DYNC2I1: variants seen among roughly 807,000 people sequenced by gnomAD.
DYNC2I1 encodes the protein dynein 2 intermediate chain 1, also known as cytoplasmic dynein 2 intermediate chain 1.
DYNC2I1 carries 89 observed loss-of-function variants against 133.4 expected under a neutral mutation model. That is an observed-to-expected ratio of 0.67 (90% CI 0.56 to 0.80). The LOEUF is 0.80. Ranked by LOEUF, DYNC2I1 falls within the 30% of genes least tolerant of loss-of-function variation. The pLI is 0.00. For synonymous variants in DYNC2I1, 504 were observed against 484.3 expected, an observed-to-expected ratio of 1.04 and a Z score of -0.54; for missense variants, 1,291 against 1,314.5, an observed-to-expected ratio of 0.98 and a Z score of 0.28.
chr7:158,925,072 A>G (rs1849480131), intron 17 of DYNC2I1, among the ~76,000 whole-genome samples: 1 of 152,168 alleles, frequency 6.6e-6, no homozygotes, highest in Non-Finnish European at 1.5e-5. Flanking sequence ...TTGAAATATT[A>G]TCAATAAAAC....
At chr7:158,858,812 C>G (rs1377310306) in intron 1 of DYNC2I1, among the ~76,000 whole-genome samples, 1 of 112,708 alleles carries the variant, frequency 8.9e-6, no homozygotes, top group East Asian at 3.3e-4. Flanking sequence ...CCCCTCCCCC[C>G]ACTTTCCTCT....
At chr7:158,919,511 G>T (rs1328667727) in intron 15 of DYNC2I1, among the ~76,000 whole-genome samples, 1 of 152,236 alleles carries the variant, frequency 6.6e-6, no homozygotes, top group East Asian at 1.9e-4. Flanking sequence ...CCGGAGGGCA[G>T]CCATGGTCCC....
At chr7:158,851,235 A>G in the DYNC2I1 span, among the ~76,000 whole-genome samples, 83 of 152,328 alleles carry the variant, frequency 5.4e-4, 1 homozygote, top group East Asian at 0.015. Context: ...GGCTTTGATT[A>G]GAATAACATA....
At chr7:158,949,607 G>T (rs1851992282), downstream of DYNC2I1, among the ~76,000 whole-genome samples, 2 of 148,248 alleles carry the variant, frequency 1.3e-5, no homozygotes, top group African/African-American at 2.5e-5. Context: ...GGCCCGAGCC[G>T]CACAGACGGC....
chr7:158,916,915 T>G (rs1848403571), intron 14 of DYNC2I1, among the ~76,000 whole-genome samples: 1 of 84,204 alleles, frequency 1.2e-5, no homozygotes, highest in African/African-American at 4.1e-5. Context: ...GTGGTTGAGA[T>G]TAAGGATGAT....
At chr7:158,946,677 G>A (rs1851894487), downstream of DYNC2I1, among the ~76,000 whole-genome samples, 1 of 152,246 alleles carries the variant, frequency 6.6e-6, no homozygotes. Flanking sequence ...GAATGTTGGA[G>A]GGACACACAC....
Position 158,930,457 on chromosome 7 carries a change from C to T in DYNC2I1, c.2488C>T (p.Leu830=), listed in dbSNP as rs760388177. ...DIAGSISDLG[L]MPGGRVKLVH... ...GATTTTGGTTCATCTCTTTTTAGGT[C>T]TGATGCCTGGAGGGAGGGTCAAGCT... The change falls in exon 21 of 25, where the codon CTG becomes TTG. Residue 830 remains leucine, a splice_region_variant and synonymous_variant. Coordinates refer to ENST00000407559, the MANE Select transcript of DYNC2I1 (RefSeq NM_018051.5). 1 of 1,611,992 alleles carries T rather than the reference C, an allele frequency of 6.2e-7. No individual in the cohort carries two copies.
chr7:158,843,700 T>A, the DYNC2I1 span, among the ~76,000 whole-genome samples: 1 of 152,168 alleles, frequency 6.6e-6, no homozygotes, highest in Non-Finnish European at 1.5e-5. Context: ...CAGCCAAGAT[T>A]GGCTTTTATG....
At position 158,884,586 on chromosome 7, in the gene DYNC2I1, G is replaced by T. The variant is rs140596100; in HGVS notation, c.902G>T (p.Gly301Val). Reference protein sequence around the residue: ...ESQNGEHRNRGASSKRDGTSS... With the variant: ...ESQNGEHRNRVASSKRDGTSS... ...TAGAATGGTGAACACAGAAATCGAG[G>T]TGCAAGCTCAAAAAGAGATGGGACC... Residue 301 changes from glycine (G) to valine (V), a missense_variant, in exon 6 of 25, where the codon GGT (glycine) becomes GTT (valine). Physicochemically the swap from Gly to Val is moderately radical, Grantham distance 109 (BLOSUM62 -3). Coordinates refer to ENST00000407559, the MANE Select transcript of DYNC2I1 (RefSeq NM_018051.5). The T allele has an allele frequency of 3.0e-4, 490 of 1,613,158 alleles. 1 individual carries two copies. In the African/African-American group the frequency reaches 5.6e-3, roughly 18 times the overall value.
At chr7:158,944,874 G>A (rs949906899) in intron 24 of DYNC2I1, among the ~76,000 whole-genome samples, 4 of 152,188 alleles carry the variant, frequency 2.6e-5, no homozygotes, top group Non-Finnish European at 1.5e-5. Flanking sequence ...CCAGGAGTGT[G>A]AGCCGTAGGC....
At chr7:158,897,610 A>G (rs1425320529) in intron 8 of DYNC2I1, among the ~76,000 whole-genome samples, 2 of 152,240 alleles carry the variant, frequency 1.3e-5, no homozygotes, top group African/African-American at 4.8e-5. Context: ...TTCTGACGCT[A>G]GTAATTTGGA....
rs1847485820 is a variant in DYNC2I1 at position 158,911,607 on chromosome 7, T to C, written c.1518T>C (p.Ser506=). ...ACTTAGATTTTTCATTTACTTTCTCTCTCTTGGATCTACCACCAGTAAATG... is the reference window on the plus strand; with the variant it reads ...ACTTAGATTTTTCATTTACTTTCTCCCTCTTGGATCTACCACCAGTAAATG... The part of the protein sequence containing the change: ...LIDLDFSFTF[S]LLDLPPVNEY... Residue 506 remains serine (S), a synonymous_variant, in exon 12 of 25, where the codon TCT becomes TCC. Coordinates refer to ENST00000407559, the MANE Select transcript of DYNC2I1 (RefSeq NM_018051.5). The C allele has an allele frequency of 6.2e-7, 1 of 1,613,700 alleles. No homozygotes were observed. The highest frequency in any genetic ancestry group is 8.5e-7 in the Non-Finnish European group (1 of 1,179,770).
chr7:158,875,029 G>A (rs967044761), intron 3 of DYNC2I1, among the ~76,000 whole-genome samples: 1 of 150,100 alleles, frequency 6.7e-6, no homozygotes, highest in African/African-American at 2.5e-5. Flanking sequence ...AAATCTACCT[G>A]TTCTGGGGCC....
rs1403910859 is a variant in DYNC2I1 at position 158,870,521 on chromosome 7, T to TTTTTAATG, written c.70-614_70-613insGTTTTAAT. Among the ~76,000 whole-genome samples, 14 of 150,428 alleles carry TTTTTAATG rather than the reference T, an allele frequency of 9.3e-5. No individual in the cohort carries two copies. The South Asian group carries it at 2.9e-3, about 32-fold the overall frequency. On this transcript the variant is annotated intron_variant, in intron 2 of 24. Transcript: ENST00000407559. ...GGCATGAACCACCAGGCTTGCTAAT[T>TTTTTAATG]TTTTAATTTTTTAATTTTTTAATTT...
At chr7:158,880,671 G>C (rs1332030834) in intron 5 of DYNC2I1, among the ~76,000 whole-genome samples, 4 of 152,142 alleles carry the variant, frequency 2.6e-5, no homozygotes, top group African/African-American at 7.2e-5. Flanking sequence ...GTATAAGTTT[G>C]CAAAAAAAGC....
intron 11 of DYNC2I1, among the ~76,000 whole-genome samples, chr7:158,908,111 G>A (rs1847027580): frequency 6.6e-6 from 1 of 152,062 alleles, no homozygotes. Flanking sequence ...AAATGTAGGA[G>A]TCCACACTTT....
intron 15 of DYNC2I1, 76 bp from the exon 16 acceptor site, chr7:158,922,301 G>T: frequency 2.8e-6 from 4 of 1,435,974 alleles, no homozygotes; most frequent in Admixed American, 4.3e-5. Context: ...TTTTTTTTGA[G>T]TATTCGGAAG....
At chr7:158,845,040 C>T in the DYNC2I1 span, among the ~76,000 whole-genome samples, 51 of 152,146 alleles carry the variant, frequency 3.4e-4, no homozygotes, top group African/African-American at 1.2e-3. Context: ...CAAGGGCATT[C>T]CAAAGTTAAC....
chr7:158,880,117 C>G, intron 5 of DYNC2I1, 128 bp downstream of exon 5: 1 of 1,050,810 alleles, frequency 9.5e-7, no homozygotes, highest in Non-Finnish European at 1.4e-6. Flanking sequence ...TTAGGAAAAA[C>G]GCAACTCAAG....
Sources: gnomAD v4.1 joint callset for allele counts (sites outside exome capture counted in the v4.1 genomes callset) on GRCh38, gnomAD v4.1.1 for gene constraint, MANE v1.5 for transcripts, NCBI Gene and HGNC (gene_info 2026-07-23, HGNC 2026-07-21) for gene names.